OR5P3: variants seen among roughly 807,000 people sequenced by gnomAD.
OR5P3 encodes olfactory receptor 5P3.
For synonymous variants in OR5P3, 172 were observed against 141.8 expected (o/e 1.21, Z -1.51); for missense variants, 415 against 375.6 (o/e 1.10, Z -0.87).
At chr11:7,827,235 G>T (rs1004678953) in intron 1 of OR5P3, among the ~76,000 whole-genome samples, 1 of 151,998 alleles carries the variant, frequency 6.6e-6, no homozygotes, top group South Asian at 2.1e-4. Flanking sequence ...AGTATATTTG[G>T]TTCATTACAT....
At chr11:7,827,299 A>G (rs2133494474) in intron 1 of OR5P3, among the ~76,000 whole-genome samples, 1 of 152,288 alleles carries the variant, frequency 6.6e-6, no homozygotes, top group Admixed American at 6.5e-5. Context: ...TTTACTCTTG[A>G]AAGGGGAATT....
Position 7,825,888 on chromosome 11 carries a change from GAAATA to G in OR5P3, c.80_84del (p.Leu27SerfsTer14), listed in dbSNP as rs1195783303. The stretch of plus-strand genomic sequence containing the variant: ...ACAACATAAATTCCTAGAAACACAA[GAAATA>G]AAATAGCACAAACTGTAGTATCCTC... On this transcript the variant is annotated frameshift_variant, in exon 2 of 2. Coordinates refer to ENST00000641167, the MANE Select transcript of OR5P3 (RefSeq NM_153445.2). LOFTEE classifies it low-confidence loss of function (END_TRUNC). 6.2e-7 allele frequency: 1 copy of G among 1,608,788 alleles called. No individual in the cohort carries two copies. Among genetic ancestry groups the G allele is most frequent in the East Asian group, 2.2e-5 (1 of 44,888 alleles).
Position 7,825,766 on chromosome 11 carries a change from T to C in OR5P3, c.207A>G (p.Val69=), listed in dbSNP as rs199997958. The change falls in exon 2 of 2, where the codon GTA becomes GTG. Residue 69 remains valine, a synonymous_variant. Coordinates refer to ENST00000641167, the MANE Select transcript of OR5P3 (RefSeq NM_153445.2). ...MYIFLCHLAF[V]DIGYSSSVTP... is the part of the protein sequence containing the mutation. ...TGACTGATGAGGAGTACCCAATGTCTACAAAGGCCAAATGGCAGAGGAAAA... is the reference window on the plus strand; with the variant it reads ...TGACTGATGAGGAGTACCCAATGTCCACAAAGGCCAAATGGCAGAGGAAAA... 4 of 1,613,128 alleles carry C rather than the reference T, an allele frequency of 2.5e-6. No individual in the cohort carries two copies. Among genetic ancestry groups the C allele is most frequent in the Non-Finnish European group, 3.4e-6 (4 of 1,180,024 alleles).
chr11:7,825,739 T>C lies in OR5P3; in HGVS notation c.234A>G (p.Thr78=). ...TTAGGAAGCTCATGAGCATGACAGG[T>C]GTGACTGATGAGGAGTACCCAATGT... ...FVDIGYSSSV[T]PVMLMSFLRK... The change falls in exon 2 of 2, where the codon ACA becomes ACG. Residue 78 remains threonine, a synonymous_variant. Coordinates refer to ENST00000641167, the MANE Select transcript of OR5P3 (RefSeq NM_153445.2). The C allele has an allele frequency of 1.2e-6, 2 of 1,613,142 alleles. No individual in the cohort carries two copies. The highest frequency in any genetic ancestry group is 1.7e-6 in the Non-Finnish European group (2 of 1,180,022).
intron 1 of OR5P3, among the ~76,000 whole-genome samples, chr11:7,827,321 T>C (rs1857755393): frequency 6.6e-6 from 1 of 152,194 alleles, no homozygotes; most frequent in African/African-American, 2.4e-5. Flanking sequence ...TGCAGTGCAG[T>C]AATTCACATA....
In OR5P3 at chr11:7,825,447, G is replaced by C. The variant is rs1270717421; in HGVS notation, c.526C>G (p.His176Asp). The C allele has an allele frequency of 6.2e-7, 1 of 1,613,276 alleles. No individual in the cohort carries two copies. The highest frequency in any genetic ancestry group is 2.2e-5 in the East Asian group (1 of 44,884). ...AGTGGTGAATAGTCACAGAAAAAGTGATTGACTTTATTTGGCCCACAGAAG... is the reference window on the plus strand; with the variant it reads ...AGTGGTGAATAGTCACAGAAAAAGTCATTGACTTTATTTGGCCCACAGAAG... ...LSFCGPNKVN[H>D]FFCDYSPLLK... The change falls in exon 2 of 2, where the codon CAC (histidine) becomes GAC (aspartate). Residue 176 changes from histidine to aspartate, a missense_variant. Coordinates refer to ENST00000641167, the MANE Select transcript of OR5P3 (RefSeq NM_153445.2).
At chr11:7,826,339 G>C (rs1030392445) in intron 1 of OR5P3, among the ~76,000 whole-genome samples, 3 of 152,128 alleles carry the variant, frequency 2.0e-5, no homozygotes, top group Non-Finnish European at 4.4e-5. Context: ...CGTGATTGAA[G>C]GGAGACATAA....
intron 1 of OR5P3, among the ~76,000 whole-genome samples, chr11:7,826,483 A>G (rs552908608): frequency 6.6e-6 from 1 of 152,340 alleles, no homozygotes; most frequent in South Asian, 2.1e-4. Flanking sequence ...GATTAGCTGC[A>G]TGCTAATCCA....
intron 1 of OR5P3, among the ~76,000 whole-genome samples, chr11:7,826,945 A>C (rs771685367): frequency 4.5e-4 from 68 of 152,204 alleles, no homozygotes; most frequent in Admixed American, 3.2e-3. Flanking sequence ...CTTGAGAAAA[A>C]TCAAGAAAAT....
At chr11:7,829,697 GCAAA>G (rs1296332857) in intron 1 of OR5P3, among the ~76,000 whole-genome samples, 1 of 152,192 alleles carries the variant, frequency 6.6e-6, no homozygotes, top group African/African-American at 2.4e-5. Flanking sequence ...TCTGGAGTCT[GCAAA>G]CACTTTGCTC....
chr11:7,825,591 A>G lies in OR5P3; in HGVS notation c.382T>C (p.Ser128Pro). The G allele has an allele frequency of 6.2e-7, 1 of 1,613,152 alleles. No individual in the cohort carries two copies. The highest frequency in any genetic ancestry group is 8.5e-7 in the Non-Finnish European group (1 of 1,180,026). Residue 128 changes from serine (S) to proline (P), a missense_variant, in exon 2 of 2, where the codon TCA (serine) becomes CCA (proline). Physicochemically the swap from Ser to Pro is moderately conservative, Grantham distance 74. Transcript: ENST00000641167. ...MAYDRYVAIC[S>P]PLLYSTCMSP... is the part of the protein sequence containing the mutation. ...ATGCAGGTAGAGTAGAGCAGGGGTG[A>G]GCAGATGGCCACATAGCGATCATAG... is the stretch of plus-strand genomic sequence containing the variant.
chr11:7,829,210 G>T (rs1006722511), intron 1 of OR5P3, among the ~76,000 whole-genome samples: 2 of 152,114 alleles, frequency 1.3e-5, no homozygotes, highest in Non-Finnish European at 2.9e-5. Flanking sequence ...CAGCAAGATG[G>T]GGAAGAATGT....
In OR5P3 at chr11:7,825,580, G is replaced by C. The variant is rs375658666; in HGVS notation, c.393C>G (p.Leu131=). 23 of 1,613,178 alleles carry C rather than the reference G, an allele frequency of 1.4e-5. 1 individual carries two copies. In the African/African-American group the frequency reaches 2.4e-4, roughly 17 times the overall value. Residue 131 remains leucine (L), a synonymous_variant, in exon 2 of 2, where the codon CTC becomes CTG. Coordinates refer to ENST00000641167, the MANE Select transcript of OR5P3 (RefSeq NM_153445.2). ...CTCCAGGGGACATGCAGGTAGAGTAGAGCAGGGGTGAGCAGATGGCCACAT... is the reference window on the plus strand; with the variant it reads ...CTCCAGGGGACATGCAGGTAGAGTACAGCAGGGGTGAGCAGATGGCCACAT... ...DRYVAICSPL[L]YSTCMSPGVC...
chr11:7,827,013 C>T (rs959514238), intron 1 of OR5P3, among the ~76,000 whole-genome samples: 1 of 152,156 alleles, frequency 6.6e-6, no homozygotes, highest in Non-Finnish European at 1.5e-5. Context: ...ATAATCCACT[C>T]GATTCTCTCA....
At chr11:7,826,596 G>C (rs993484341) in intron 1 of OR5P3, among the ~76,000 whole-genome samples, 1 of 152,170 alleles carries the variant, frequency 6.6e-6, no homozygotes, top group Admixed American at 6.6e-5. Context: ...AGTCTGGACC[G>C]AGGCAGAAGG....
Position 7,825,157 on chromosome 11 carries a change from C to A in OR5P3, c.816G>T (p.Lys272Asn), listed in dbSNP as rs1857716981. 1.2e-6 allele frequency: 2 copies of A among 1,613,450 alleles called. No individual in the cohort carries two copies. The highest frequency in any genetic ancestry group is 4.5e-5 in the East Asian group (2 of 44,884). The stretch of plus-strand genomic sequence containing the variant: ...CCACGGTGTAGAACACAGACACCAC[C>A]TTGTTCTGGTCAGTTGAGTAGCTGG... ...PKSSYSTDQN[K>N]VVSVFYTVVI... Residue 272 changes from lysine (K) to asparagine (N), a missense_variant, in exon 2 of 2, where the codon AAG becomes AAT. Physicochemically the swap from Lys to Asn is moderately conservative, Grantham distance 94. Transcript: ENST00000641167.
chr11:7,828,295 A>C (rs570295449), intron 1 of OR5P3, among the ~76,000 whole-genome samples: 1 of 152,204 alleles, frequency 6.6e-6, no homozygotes, highest in African/African-American at 2.4e-5. Context: ...TGACTGCAGA[A>C]GGGCACAGGA....
intron 1 of OR5P3, among the ~76,000 whole-genome samples, chr11:7,828,733 T>C (rs755030681): frequency 6.6e-6 from 1 of 152,202 alleles, no homozygotes; most frequent in Non-Finnish European, 1.5e-5. Flanking sequence ...GTGATAGTCA[T>C]TTCTGAGATT....
intron 1 of OR5P3, among the ~76,000 whole-genome samples, chr11:7,826,847 A>T (rs768315257): frequency 6.6e-6 from 1 of 152,178 alleles, no homozygotes; most frequent in Non-Finnish European, 1.5e-5. Context: ...ACAGAACACA[A>T]ATATCCAGCC....
Sources: allele counts gnomAD v4.1 joint callset (sites outside exome capture counted in the v4.1 genomes callset), GRCh38; gene constraint gnomAD v4.1.1; transcripts MANE v1.5; gene names NCBI Gene and HGNC (gene_info 2026-07-23, HGNC 2026-07-21).